Variants in BRINP1 observed in about 807,000 individuals in gnomAD.
The protein encoded by BRINP1 is BMP/retinoic acid inducible neural specific 1, also known as BMP/retinoic acid-inducible neural-specific protein 1.
In BRINP1, 17 loss-of-function variants were observed where a neutral mutation model predicts 72.9. The ratio of observed to expected loss-of-function variants is 0.23; its 90% CI spans 0.16 to 0.35. BRINP1 has a LOEUF of 0.35. BRINP1 is among the 10% of genes least tolerant of loss of function. BRINP1 has a pLI of 1.00. For missense variants in BRINP1, 850 were observed against 1,001.6 expected (o/e 0.85, Z 2.04); for synonymous variants, 418 against 378.5 (o/e 1.10, Z -1.21).
intron 1 of BRINP1, among the ~76,000 whole-genome samples, chr9:119,329,870 G>A (rs1348950551): frequency 6.6e-6 from 1 of 152,094 alleles, no homozygotes; most frequent in East Asian, 1.9e-4. Context: ...CTACTGTGAG[G>A]CAGCAGCAAG....
At chr9:119,328,026 A>G (rs10984488) in intron 1 of BRINP1, among the ~76,000 whole-genome samples, 1 of 152,152 alleles carries the variant, frequency 6.6e-6, no homozygotes, top group Non-Finnish European at 1.5e-5. Flanking sequence ...CTCATGAGTC[A>G]AGAGTAATGC....
intron 2 of BRINP1, among the ~76,000 whole-genome samples, chr9:119,294,377 A>T (rs560637921): frequency 1.3e-5 from 2 of 152,186 alleles, no homozygotes; most frequent in South Asian, 4.1e-4. Context: ...AGGTACAAAA[A>T]CTAGCTGGGC....
intron 2 of BRINP1, among the ~76,000 whole-genome samples, chr9:119,279,592 G>A (rs1417849092): frequency 6.6e-6 from 1 of 152,214 alleles, no homozygotes; most frequent in Non-Finnish European, 1.5e-5. Context: ...TTCAGAGGTA[G>A]CCAAAGCCTC....
chr9:119,180,478 CAT>C lies in BRINP1; in HGVS notation c.1146-12256_1146-12255del, dbSNP rs869167439. Among the ~76,000 whole-genome samples, 30 of 120,390 alleles carry C rather than the reference CAT, an allele frequency of 2.5e-4. No individual in the cohort carries two copies. In the South Asian group the frequency reaches 3.4e-3, roughly 14 times the overall value. 79.0% of individuals were successfully genotyped at this position (120,390 alleles called of 152,430 possible). On this transcript the variant is annotated intron_variant, in intron 7 of 7. Transcript: ENST00000265922. ...TGTGCTGTGTGTGACTCTCTCTGTGCATGTGTGTGTGTGTGTGTGTGTGTGTG... is the reference window on the plus strand; with the variant it reads ...TGTGCTGTGTGTGACTCTCTCTGTGCGTGTGTGTGTGTGTGTGTGTGTGTG...
At chr9:119,355,563 A>C (rs371799715) in intron 1 of BRINP1, among the ~76,000 whole-genome samples, 124 of 151,988 alleles carry the variant, frequency 8.2e-4, no homozygotes, top group African/African-American at 2.6e-3. Context: ...CCCATCTCTA[A>C]TAAAAACACA....
At chr9:119,225,664 C>T (rs1830082678) in intron 5 of BRINP1, among the ~76,000 whole-genome samples, 1 of 151,746 alleles carries the variant, frequency 6.6e-6, no homozygotes, top group Non-Finnish European at 1.5e-5. Flanking sequence ...CAGACTGCAA[C>T]CAGAATAGGC....
At chr9:119,349,527 A>C (rs914153237) in intron 1 of BRINP1, among the ~76,000 whole-genome samples, 1 of 152,212 alleles carries the variant, frequency 6.6e-6, no homozygotes, top group African/African-American at 2.4e-5. Flanking sequence ...GGTGCGGTAC[A>C]CTTGTAACAA....
At position 119,248,964 on chromosome 9, in the gene BRINP1, C is replaced by A; in HGVS notation, c.405G>T (p.Leu135Phe). 1 of 1,611,000 alleles carries A rather than the reference C, an allele frequency of 6.2e-7. No individual in the cohort carries two copies. The highest frequency in any genetic ancestry group is 2.2e-5 in the East Asian group (1 of 44,784). The change falls in exon 3 of 8, where the codon TTG becomes TTT. Residue 135 changes from leucine to phenylalanine, a missense_variant. Physicochemically the swap from Leu to Phe is conservative, Grantham distance 22. Transcript: ENST00000265922. ...GCCCAGTGGCTGCTGACCTACCTCC[C>A]AATGTGGCTGAGATGAGCAGGTGGG... is the stretch of plus-strand genomic sequence containing the variant. ...YGTHLLISAT[L>F]GGEEALTMYM...
At chr9:119,355,457 G>A (rs897678854) in intron 1 of BRINP1, among the ~76,000 whole-genome samples, 1 of 152,208 alleles carries the variant, frequency 6.6e-6, no homozygotes, top group South Asian at 2.1e-4. Flanking sequence ...GGCCGGGCAC[G>A]GTGGCTCACG....
At position 119,210,918 on chromosome 9, in the gene BRINP1, G is replaced by A. The variant is rs1001543433; in HGVS notation, c.923-1977C>T. ...GAGACACAGAAAGTACTCGGTTGAT[G>A]GTAGCATAAGATTGACAGGATGACA... On this transcript the variant is annotated intron_variant, in intron 6 of 7. Coordinates refer to ENST00000265922, the MANE Select transcript of BRINP1 (RefSeq NM_014618.3). Among the ~76,000 whole-genome samples the A allele has an allele frequency of 2.0e-5, 3 of 152,170 alleles. No homozygotes were observed. In the South Asian group the frequency reaches 6.2e-4, roughly 31 times the overall value.
chr9:119,167,579 G>A lies in BRINP1; in HGVS notation c.1791C>T (p.Cys597=), dbSNP rs1829332046. ...WEKIRLQNSQ[C]YNWTLLLGNR... is the part of the protein sequence containing the mutation. ...TGCCCAGCAAAAGAGTCCAGTTGTA[G>A]CACTGGCTGTTTTGGAGACGGATCT... The change falls in exon 8 of 8, where the codon TGC becomes TGT. Residue 597 remains cysteine (C), a synonymous_variant. Coordinates refer to ENST00000265922, the MANE Select transcript of BRINP1 (RefSeq NM_014618.3). The surrounding 1 kb of genome is among the most constrained non-coding windows in gnomAD (Gnocchi z 4.3). 6.2e-7 allele frequency: 1 copy of A among 1,614,022 alleles called. No homozygotes were observed. Among genetic ancestry groups the A allele is most frequent in the Non-Finnish European group, 8.5e-7 (1 of 1,180,040 alleles).
At chr9:119,239,005 C>T (rs926770665) in intron 4 of BRINP1, among the ~76,000 whole-genome samples, 1 of 152,150 alleles carries the variant, frequency 6.6e-6, no homozygotes, top group African/African-American at 2.4e-5. Context: ...TCACTTCACA[C>T]GGTGGCTGCA....
chr9:119,268,114 A>G (rs953607841), intron 2 of BRINP1, among the ~76,000 whole-genome samples: 1 of 151,930 alleles, frequency 6.6e-6, no homozygotes, highest in African/African-American at 2.4e-5. Context: ...GTGGTGGCAC[A>G]TGCCTGTAAT....
At chr9:119,349,262 A>G (rs563730279) in intron 1 of BRINP1, among the ~76,000 whole-genome samples, 1 of 152,202 alleles carries the variant, frequency 6.6e-6, no homozygotes, top group Non-Finnish European at 1.5e-5. Context: ...CCTCCTAGAT[A>G]CACACAGGGG....
chr9:119,177,133 A>C (rs1829498485), intron 7 of BRINP1, among the ~76,000 whole-genome samples: 1 of 152,226 alleles, frequency 6.6e-6, no homozygotes, highest in Non-Finnish European at 1.5e-5. Flanking sequence ...ATGAATGCAT[A>C]AAGAATATTC....
chr9:119,214,081 C>T lies in BRINP1; in HGVS notation c.760G>A (p.Gly254Arg). ...QSALSYIMCN[G>R]EGEYLCQNSQ... ...TTCTGGCACAGGTACTCCCCCTCCC[C>T]ATTGCACATGATATAGCTCAAGGCC... Residue 254 changes from glycine (G) to arginine (R), a missense_variant, in exon 6 of 8, where the codon GGG (glycine) becomes AGG (arginine). Transcript: ENST00000265922. 6.2e-7 allele frequency: 1 copy of T among 1,614,222 alleles called. No homozygotes were observed. The highest frequency in any genetic ancestry group is 8.5e-7 in the Non-Finnish European group (1 of 1,180,038).
At chr9:119,264,361 C>T (rs1293636009) in intron 2 of BRINP1, among the ~76,000 whole-genome samples, 6 of 152,346 alleles carry the variant, frequency 3.9e-5, no homozygotes, top group African/African-American at 1.4e-4. Flanking sequence ...ACCTTGACAA[C>T]CTTACAATTC....
At chr9:119,188,547 G>A (rs1294646739) in intron 7 of BRINP1, among the ~76,000 whole-genome samples, 2 of 152,134 alleles carry the variant, frequency 1.3e-5, no homozygotes, top group African/African-American at 2.4e-5. Context: ...AGGATCACTT[G>A]AGACCAAGAG....
intron 2 of BRINP1, 107 bp from the exon 3 acceptor site, chr9:119,249,257 T>A: frequency 9.7e-7 from 1 of 1,035,178 alleles, no homozygotes; most frequent in Non-Finnish European, 1.4e-6. Context: ...GGAAAGTGCC[T>A]ACAATTTTAA....
Sources: gnomAD v4.1 joint callset for allele counts (sites outside exome capture counted in the v4.1 genomes callset) on GRCh38, gnomAD v4.1.1 for gene constraint, Gnocchi (gnomAD v3.1) non-coding constraint, MANE v1.5 for transcripts, NCBI Gene and HGNC (gene_info 2026-07-23, HGNC 2026-07-21) for gene names.